Variants in TMEM178B observed in about 807,000 individuals in gnomAD.
TMEM178B encodes transmembrane protein 178B.
TMEM178B carries 5 observed loss-of-function variants against 31.0 expected under a neutral mutation model. The observed-to-expected ratio is 0.16, with a 90% CI of 0.08 to 0.34. The LOEUF is 0.34. Ranked by LOEUF, TMEM178B falls within the 10% of genes least tolerant of loss-of-function variation. The pLI is 1.00. For missense variants in TMEM178B, 275 were observed against 400.3 expected, an observed-to-expected ratio of 0.69 and a Z score of 2.67; for synonymous variants, 164 against 164.0, an observed-to-expected ratio of 1.00 and a Z score of 0.00.
At chr7:141,324,189 TA>T (rs1220871833) in intron 2 of TMEM178B, among the ~76,000 whole-genome samples, 2 of 152,048 alleles carry the variant, frequency 1.3e-5, no homozygotes, top group African/African-American at 2.4e-5. Context: ...GGAGGACAGA[TA>T]TTATATGAAT....
chr7:141,212,346 C>T (rs1797064280), intron 1 of TMEM178B, among the ~76,000 whole-genome samples: 1 of 152,188 alleles, frequency 6.6e-6, no homozygotes, highest in African/African-American at 2.4e-5. Flanking sequence ...TGCTATCAGC[C>T]TAAACATTGG....
chr7:141,483,582 C>T (rs774218625), downstream of TMEM178B, among the ~76,000 whole-genome samples: 9 of 152,184 alleles, frequency 5.9e-5, no homozygotes, highest in Non-Finnish European at 7.3e-5. Flanking sequence ...GGTATTCCAA[C>T]ACCTCTGTCC....
downstream of TMEM178B, among the ~76,000 whole-genome samples, chr7:141,483,971 G>C (rs1420762657): frequency 6.6e-6 from 1 of 151,978 alleles, no homozygotes; most frequent in Non-Finnish European, 1.5e-5. Context: ...CCCGATCTCA[G>C]GTGATCCACA....
At chr7:141,376,914 T>C (rs1800224767) in intron 2 of TMEM178B, among the ~76,000 whole-genome samples, 1 of 152,082 alleles carries the variant, frequency 6.6e-6, no homozygotes, top group African/African-American at 2.4e-5. Flanking sequence ...GATGTGAAAA[T>C]GTACTAAAAT....
chr7:141,315,760 G>A lies in TMEM178B; in HGVS notation c.496+103056G>A, dbSNP rs985878146. ...TATTACCTGGTACAGAGCTTGACAT[G>A]TGGAGTTGCTTGGCACTAGAGTGCG... On this transcript the variant is annotated intron_variant, in intron 2 of 3. Coordinates refer to ENST00000565468, the MANE Select transcript of TMEM178B (RefSeq NM_001195278.2). Among the ~76,000 whole-genome samples the A allele has an allele frequency of 7.4e-4, 112 of 152,280 alleles. 1 individual carries two copies. The highest frequency in any genetic ancestry group is 3.4e-4 in the Non-Finnish European group (23 of 68,028).
At chr7:141,326,908 G>A (rs1799200434) in intron 2 of TMEM178B, among the ~76,000 whole-genome samples, 1 of 152,136 alleles carries the variant, frequency 6.6e-6, no homozygotes, top group South Asian at 2.1e-4. Context: ...CTTGATATTT[G>A]GTTAGTGGGA....
chr7:141,297,464 G>T (rs535313576), intron 2 of TMEM178B, among the ~76,000 whole-genome samples: 10 of 152,114 alleles, frequency 6.6e-5, no homozygotes, highest in Admixed American at 1.3e-4. Context: ...CCATTAACTC[G>T]TCATTTACAT....
intron 2 of TMEM178B, among the ~76,000 whole-genome samples, chr7:141,348,785 A>G (rs1799661003): frequency 6.6e-6 from 1 of 152,214 alleles, no homozygotes; most frequent in Admixed American, 6.5e-5. Flanking sequence ...CTGAAAAAGG[A>G]TATCTTTAGT....
chr7:141,233,957 A>G (rs1034467892), intron 2 of TMEM178B, among the ~76,000 whole-genome samples: 7 of 152,174 alleles, frequency 4.6e-5, no homozygotes, highest in African/African-American at 1.7e-4. Flanking sequence ...TTTAAAGATT[A>G]TTCCTTTGTG....
At chr7:141,343,673 C>T (rs1455154413) in intron 2 of TMEM178B, among the ~76,000 whole-genome samples, 2 of 151,926 alleles carry the variant, frequency 1.3e-5, no homozygotes, top group African/African-American at 2.4e-5. Flanking sequence ...CCTCAGCCTC[C>T]CGAGTAGCTG....
At chr7:141,361,361 T>TA (rs141684449) in intron 2 of TMEM178B, among the ~76,000 whole-genome samples, 3,558 of 149,794 alleles carry the variant, frequency 0.024, 126 homozygotes, top group African/African-American at 0.081. Context: ...AAACCAGTAC[T>TA]AAAAAAAAAA....
At chr7:141,119,150 C>G (rs1795369869) in intron 1 of TMEM178B, among the ~76,000 whole-genome samples, 1 of 152,328 alleles carries the variant, frequency 6.6e-6, no homozygotes, top group East Asian at 1.9e-4. Context: ...GGGGCTCCAT[C>G]CCACTGGAGA....
intron 2 of TMEM178B, among the ~76,000 whole-genome samples, chr7:141,291,974 C>A (rs1586874402): frequency 6.7e-6 from 1 of 148,596 alleles, no homozygotes; most frequent in Admixed American, 6.7e-5. Context: ...GCTCTTTTCC[C>A]TTTCCTTATT....
At chr7:141,264,732 A>G (rs186507907) in intron 2 of TMEM178B, among the ~76,000 whole-genome samples, 424 of 152,348 alleles carry the variant, frequency 2.8e-3, no homozygotes, top group Non-Finnish European at 4.8e-3. Flanking sequence ...CAAAAAGGCA[A>G]GATGAATTAA....
intron 2 of TMEM178B, among the ~76,000 whole-genome samples, chr7:141,223,281 C>T (rs1797284460): frequency 6.6e-6 from 1 of 152,142 alleles, no homozygotes; most frequent in African/African-American, 2.4e-5. Flanking sequence ...TACTGTATTA[C>T]TATCCCCTTA....
intron 2 of TMEM178B, among the ~76,000 whole-genome samples, chr7:141,339,397 T>C (rs1032962166): frequency 2.0e-5 from 3 of 152,034 alleles, no homozygotes; most frequent in Admixed American, 1.3e-4. Context: ...AGTTGGGAGG[T>C]GGAGCAAGTC....
intron 2 of TMEM178B, among the ~76,000 whole-genome samples, chr7:141,226,822 C>T (rs1797349350): frequency 7.0e-6 from 1 of 143,362 alleles, no homozygotes; most frequent in South Asian, 2.2e-4. Flanking sequence ...TGCACCACTG[C>T]ACTCCAGCCT....
chr7:141,225,649 A>G (rs1296937239), intron 2 of TMEM178B, among the ~76,000 whole-genome samples: 2 of 152,226 alleles, frequency 1.3e-5, no homozygotes, highest in Non-Finnish European at 2.9e-5. Context: ...TTTTCCAGTC[A>G]GTTTTGCCTC....
intron 1 of TMEM178B, among the ~76,000 whole-genome samples, chr7:141,077,949 A>G (rs1794624275): frequency 1.3e-5 from 2 of 152,206 alleles, no homozygotes; most frequent in Non-Finnish European, 2.9e-5. Context: ...AAGCAGACAC[A>G]TATCACTTGT....
Sources: allele counts gnomAD v4.1 joint callset (sites outside exome capture counted in the v4.1 genomes callset), GRCh38; gene constraint gnomAD v4.1.1; transcripts MANE v1.5; gene names NCBI Gene and HGNC (gene_info 2026-07-23, HGNC 2026-07-21).